LIN52: variants seen among roughly 807,000 people sequenced by gnomAD.
LIN52 encodes the protein lin-52 DREAM MuvB core complex component, also known as protein lin-52 homolog.
A neutral mutation model predicts 18.5 loss-of-function variants in LIN52; 4 were observed. That is an observed-to-expected ratio of 0.22 (90% CI 0.11 to 0.49). The LOEUF (loss-of-function observed/expected upper bound fraction) is 0.49. Ranked by LOEUF, LIN52 falls within the 20% of genes least tolerant of loss-of-function variation. The probability of loss-of-function intolerance (pLI) is 0.97; values close to 1 mark genes in which losing one functional copy is unlikely to be tolerated. For synonymous variants in LIN52, 34 were observed against 45.5 expected (o/e 0.75, Z 1.02); for missense variants, 102 against 139.5 (o/e 0.73, Z 1.35).
intron 5 of LIN52, among the ~76,000 whole-genome samples, chr14:74,191,836 CG>C (rs2078878781): frequency 6.6e-6 from 1 of 152,006 alleles, no homozygotes; most frequent in African/African-American, 2.4e-5. Context: ...GGAGTTTCAC[CG>C]TGTTAGCCAG....
intron 5 of LIN52, among the ~76,000 whole-genome samples, chr14:74,108,148 C>A (rs1240487153): frequency 6.6e-6 from 1 of 152,130 alleles, no homozygotes; most frequent in East Asian, 1.9e-4. Context: ...TGACTGGATT[C>A]TTTCTGTTAA....
intron 1 of LIN52, among the ~76,000 whole-genome samples, chr14:74,087,698 T>A (rs1291419239): frequency 6.6e-6 from 1 of 152,196 alleles, no homozygotes; most frequent in Non-Finnish European, 1.5e-5. Flanking sequence ...TTAATTCAGA[T>A]AATATTTATT....
At chr14:74,114,386 TC>T in intron 5 of LIN52, 1 of 985,394 alleles carries the variant, frequency 1.0e-6, no homozygotes, top group African/African-American at 1.7e-5. Context: ...ACAGTGGGAA[TC>T]CAGGGTGAAG....
chr14:74,141,555 A>G (rs1172307308), intron 5 of LIN52, among the ~76,000 whole-genome samples: 1 of 152,208 alleles, frequency 6.6e-6, no homozygotes, highest in East Asian at 1.9e-4. Context: ...CTGCTTTTAC[A>G]TGAAGTGATT....
At chr14:74,110,889 C>T (rs1317958646) in intron 5 of LIN52, among the ~76,000 whole-genome samples, 1 of 151,050 alleles carries the variant, frequency 6.6e-6, no homozygotes, top group Non-Finnish European at 1.5e-5. Flanking sequence ...TGGCATGAAC[C>T]TGGGAGGTGG....
At chr14:74,175,844 G>C (rs1318939023) in intron 5 of LIN52, among the ~76,000 whole-genome samples, 2 of 151,916 alleles carry the variant, frequency 1.3e-5, no homozygotes, top group Non-Finnish European at 2.9e-5. Context: ...GCCAGGTGCA[G>C]TGGCTCATGC....
At chr14:74,158,119 A>ATTTTT (rs373987542) in intron 5 of LIN52, among the ~76,000 whole-genome samples, 6 of 112,176 alleles carry the variant, frequency 5.3e-5, no homozygotes, top group African/African-American at 1.5e-4. Flanking sequence ...ATATATATAT[A>ATTTTT]TATATATTTT....
intron 1 of LIN52, among the ~76,000 whole-genome samples, chr14:74,089,900 G>A (rs1227327839): frequency 1.3e-5 from 2 of 152,142 alleles, no homozygotes; most frequent in Admixed American, 1.3e-4. Context: ...GAGGGAGCAC[G>A]CAGATGGGCA....
chr14:74,180,547 C>T (rs1000495546), intron 5 of LIN52, among the ~76,000 whole-genome samples: 4 of 151,566 alleles, frequency 2.6e-5, no homozygotes, highest in African/African-American at 4.9e-5. Flanking sequence ...CGTGAGCCAC[C>T]GCGCCCAGCC....
intron 3 of LIN52, 79 bp from the exon 4 acceptor site, chr14:74,097,715 C>A: frequency 9.2e-7 from 1 of 1,091,298 alleles, no homozygotes; most frequent in Non-Finnish European, 1.4e-6. Flanking sequence ...GCATCCGGCC[C>A]AGGCTACACT....
intron 5 of LIN52, among the ~76,000 whole-genome samples, chr14:74,136,102 A>G (rs148636606): frequency 3.7e-4 from 57 of 152,302 alleles, no homozygotes; most frequent in African/African-American, 1.0e-3. Context: ...TGTCCAATGT[A>G]GCAAACAAAT....
At chr14:74,138,393 G>A (rs1240556044) in intron 5 of LIN52, among the ~76,000 whole-genome samples, 1 of 152,182 alleles carries the variant, frequency 6.6e-6, no homozygotes, top group Non-Finnish European at 1.5e-5. Flanking sequence ...AGAGAGATGA[G>A]TCAAAGTGAT....
chr14:74,194,763 G>C (rs2078899523), intron 5 of LIN52, among the ~76,000 whole-genome samples: 1 of 152,160 alleles, frequency 6.6e-6, no homozygotes, highest in Non-Finnish European at 1.5e-5. Context: ...ATGACCAGTG[G>C]GCCCCTCTTG....
intron 5 of LIN52, among the ~76,000 whole-genome samples, chr14:74,189,938 G>A (rs186192808): frequency 2.6e-3 from 399 of 152,062 alleles, no homozygotes; most frequent in African/African-American, 8.6e-3. Flanking sequence ...CTGCAAATGG[G>A]TGTTACTATG....
chr14:74,095,217 T>C (rs1052488689), intron 2 of LIN52, among the ~76,000 whole-genome samples: 8 of 148,692 alleles, frequency 5.4e-5, no homozygotes, highest in African/African-American at 2.0e-4. Context: ...AGTGGTGTGA[T>C]CATGGCTCAT....
chr14:74,160,102 G>T (rs964280704), intron 5 of LIN52, among the ~76,000 whole-genome samples: 2 of 152,140 alleles, frequency 1.3e-5, no homozygotes, highest in African/African-American at 4.8e-5. Flanking sequence ...CTTTACAGAG[G>T]TAATTAAGTT....
At chr14:74,160,194 C>T (rs945732946) in intron 5 of LIN52, among the ~76,000 whole-genome samples, 1 of 152,120 alleles carries the variant, frequency 6.6e-6, no homozygotes, top group Non-Finnish European at 1.5e-5. Flanking sequence ...TGGAGACAGA[C>T]ATGCATAGAG....
chr14:74,103,738 T>TTTTG, intron 5 of LIN52, among the ~76,000 whole-genome samples: 1 of 38,430 alleles, frequency 2.6e-5, no homozygotes, highest in Non-Finnish European at 4.6e-5. Flanking sequence ...GGCCAGTTTT[T>TTTTG]TTTTTTTTTT....
chr14:74,187,823 G>A (rs1434140177), intron 5 of LIN52, among the ~76,000 whole-genome samples: 1 of 152,094 alleles, frequency 6.6e-6, no homozygotes, highest in Non-Finnish European at 1.5e-5. Flanking sequence ...AGCACTTACT[G>A]AGCACTTAAC....
Sources: allele counts gnomAD v4.1 joint callset (sites outside exome capture counted in the v4.1 genomes callset), GRCh38; gene constraint gnomAD v4.1.1; transcripts MANE v1.5; gene names NCBI Gene and HGNC (gene_info 2026-07-23, HGNC 2026-07-21).